Variants in HDAC9 observed in about 807,000 individuals in gnomAD.
HDAC9 encodes histone deacetylase 9, also known as MEF-2 interacting transcription repressor (MITR) protein.
Under a neutral mutation model 139.4 loss-of-function variants are expected in HDAC9, and 41 were observed. The ratio of observed to expected loss-of-function variants is 0.29; its 90% CI spans 0.23 to 0.38. The LOEUF is 0.38. Among genes scored for constraint, HDAC9 ranks in the 10% least tolerant of loss-of-function variants. The pLI is 1.00. For synonymous variants in HDAC9, 517 were observed against 476.2 expected (o/e 1.09, Z -1.12); for missense variants, 1,147 against 1,297.0 (o/e 0.88, Z 1.78).
intron 2 of HDAC9, among the ~76,000 whole-genome samples, chr7:18,232,347 C>G (rs1481173739): frequency 6.6e-6 from 1 of 152,062 alleles, no homozygotes; most frequent in Non-Finnish European, 1.5e-5. Context: ...TGTTTCTTTC[C>G]TTGTTACTGT....
intron 1 of HDAC9, among the ~76,000 whole-genome samples, chr7:18,350,967 A>G (rs1431817679): frequency 6.6e-6 from 1 of 152,154 alleles, no homozygotes; most frequent in East Asian, 1.9e-4. Context: ...TTGTTTTGTA[A>G]GTGCAACCTG....
At chr7:18,178,693 A>T (rs563547814) in intron 2 of HDAC9, among the ~76,000 whole-genome samples, 1 of 152,326 alleles carries the variant, frequency 6.6e-6, no homozygotes, top group East Asian at 1.9e-4. Context: ...AATTGTTTTA[A>T]GTTAGTTTAG....
chr7:18,086,905 CGGCGGCG>C (rs1481307538), upstream of HDAC9: 2 of 125,096 alleles, frequency 1.6e-5, no homozygotes, highest in African/African-American at 3.7e-5. Flanking sequence ...CCCCCCCGCG[CGGCGGCG>C]GCGGCGGCGG....
At chr7:18,748,368 G>T (rs1450289277) in intron 13 of HDAC9, among the ~76,000 whole-genome samples, 2 of 152,058 alleles carry the variant, frequency 1.3e-5, no homozygotes, top group Non-Finnish European at 2.9e-5. Context: ...TTTTTTAAAA[G>T]AAACACTTTA....
chr7:18,778,475 G>T (rs564405106), intron 16 of HDAC9, among the ~76,000 whole-genome samples: 2 of 152,118 alleles, frequency 1.3e-5, no homozygotes, highest in East Asian at 1.9e-4. Flanking sequence ...AATGTGCACT[G>T]TCCAGTGAAT....
intron 1 of HDAC9, among the ~76,000 whole-genome samples, chr7:18,414,891 G>A (rs991432963): frequency 1.3e-5 from 2 of 152,090 alleles, no homozygotes; most frequent in Non-Finnish European, 2.9e-5. Flanking sequence ...CCTTTTTGTA[G>A]AGAATACTCT....
intron 12 of HDAC9, among the ~76,000 whole-genome samples, chr7:18,698,463 C>T (rs1783216404): frequency 6.6e-6 from 1 of 152,190 alleles, no homozygotes; most frequent in African/African-American, 2.4e-5. Flanking sequence ...TTCAGCGACA[C>T]AATCATAAAA....
rs2129340326 is a variant in HDAC9 at position 18,979,720 on chromosome 7, G to T, written c.3170+3767G>T. 2.0e-5 allele frequency among the ~76,000 whole-genome samples: 3 copies of T among 152,234 alleles called. No homozygotes were observed. In the South Asian group the frequency reaches 6.2e-4, roughly 32 times the overall value. On this transcript the variant is annotated intron_variant, in intron 25 of 25. Coordinates refer to ENST00000686413, the MANE Select transcript of HDAC9 (RefSeq NM_178425.4). ...CTTAAAATCATGGAGGAAGGTGATT[G>T]GGGAGCGGGTACATCACATGGCAAA... is the stretch of plus-strand genomic sequence containing the variant.
intron 2 of HDAC9, among the ~76,000 whole-genome samples, chr7:18,164,189 A>G (rs557238423): frequency 2.7e-4 from 41 of 152,208 alleles, no homozygotes; most frequent in Non-Finnish European, 5.1e-4. Flanking sequence ...GGAAAGTGAT[A>G]GTAAATGTGC....
intron 2 of HDAC9, among the ~76,000 whole-genome samples, chr7:18,528,306 G>A (rs1384082258): frequency 2.6e-5 from 4 of 151,300 alleles, no homozygotes; most frequent in Admixed American, 2.6e-4. Flanking sequence ...TCAGAAAATA[G>A]ATTTTGGAGC....
intron 2 of HDAC9, among the ~76,000 whole-genome samples, chr7:18,169,450 A>G (rs746551049): frequency 2.0e-5 from 3 of 149,788 alleles, no homozygotes; most frequent in Admixed American, 6.6e-5. Context: ...ATGATACATC[A>G]GTTTTTTTTT....
intron 1 of HDAC9, among the ~76,000 whole-genome samples, chr7:18,152,931 G>T (rs543127513): frequency 6.6e-6 from 1 of 152,324 alleles, no homozygotes; most frequent in East Asian, 1.9e-4. Context: ...TAAATTAGGT[G>T]TATTGGTGTG....
chr7:18,539,493 C>A (rs1438542649), intron 2 of HDAC9, among the ~76,000 whole-genome samples: 1 of 152,146 alleles, frequency 6.6e-6, no homozygotes, highest in African/African-American at 2.4e-5. Flanking sequence ...TGATGAAATT[C>A]AAATAAAATC....
At chr7:18,711,314 C>T (rs1784329540) in intron 12 of HDAC9, among the ~76,000 whole-genome samples, 1 of 152,158 alleles carries the variant, frequency 6.6e-6, no homozygotes, top group South Asian at 2.1e-4. Flanking sequence ...TTCCTCTCTC[C>T]AACCCACTGC....
chr7:18,863,824 A>C (rs1426897354), intron 21 of HDAC9, among the ~76,000 whole-genome samples: 1 of 152,136 alleles, frequency 6.6e-6, no homozygotes, highest in African/African-American at 2.4e-5. Context: ...TAGACGACTA[A>C]AGGTTTGAAT....
chr7:18,879,424 A>G (rs1585209188), intron 22 of HDAC9, among the ~76,000 whole-genome samples: 2 of 152,296 alleles, frequency 1.3e-5, no homozygotes, highest in East Asian at 1.9e-4. Context: ...CTTCCAGGCT[A>G]CAGTAGCCAA....
chr7:18,179,531 T>C (rs1380779324), intron 2 of HDAC9, among the ~76,000 whole-genome samples: 1 of 152,212 alleles, frequency 6.6e-6, no homozygotes, highest in Non-Finnish European at 1.5e-5. Context: ...TTTTTTTTGC[T>C]TCTACCTCTC....
intron 1 of HDAC9, among the ~76,000 whole-genome samples, chr7:18,480,099 A>G (rs906781381): frequency 6.7e-6 from 1 of 149,130 alleles, no homozygotes; most frequent in African/African-American, 2.5e-5. Flanking sequence ...TTTTTCTGAG[A>G]TAAAAGTAAA....
chr7:18,483,020 T>G (rs899852927), intron 1 of HDAC9, among the ~76,000 whole-genome samples: 4 of 152,174 alleles, frequency 2.6e-5, no homozygotes, highest in Non-Finnish European at 4.4e-5. Context: ...ACTGCTATAT[T>G]AAGAATTAGC....
Sources: allele counts gnomAD v4.1 joint callset (sites outside exome capture counted in the v4.1 genomes callset), GRCh38; gene constraint gnomAD v4.1.1; transcripts MANE v1.5; gene names NCBI Gene and HGNC (gene_info 2026-07-23, HGNC 2026-07-21).